Variants in STARD9 observed in about 807,000 individuals in gnomAD.
STARD9 encodes the protein StAR related lipid transfer domain containing 9.
Under a neutral mutation model 399.8 loss-of-function variants are expected in STARD9, and 346 were observed. That is an observed-to-expected ratio of 0.87 (90% CI 0.79 to 0.95). The LOEUF (loss-of-function observed/expected upper bound fraction) is 0.95, where lower values mean the gene tolerates loss of function less well. STARD9 is among the 40% of genes least tolerant of loss of function. The probability of loss-of-function intolerance (pLI) is 0.00; values close to 1 mark genes in which losing one functional copy is unlikely to be tolerated. For synonymous variants in STARD9, 2,203 were observed against 2,143.5 expected (o/e 1.03, Z -0.77); for missense variants, 5,832 against 5,667.5 (o/e 1.03, Z -0.93).
chr15:42,616,890 C>CAAAAA (rs565991513), intron 3 of STARD9, among the ~76,000 whole-genome samples: 2 of 57,192 alleles, frequency 3.5e-5, no homozygotes, highest in Non-Finnish European at 8.5e-5. Flanking sequence ...GACTTCCTCT[C>CAAAAA]AAAAAAAAAA....
Position 42,686,003 on chromosome 15 carries a change from T to G in STARD9, c.4425T>G (p.His1475Gln), listed in dbSNP as rs1464790503. The change falls in exon 23 of 33, where the codon CAT becomes CAG. Residue 1475 changes from histidine to glutamine, a missense_variant. Physicochemically the swap from His to Gln is conservative, Grantham distance 24. Transcript: ENST00000290607. ...CTGCCTCTGCCACCACCTTGACTCA[T>G]GTAGGCAGCACCCATGAAAGGGATT... ...VLAASATTLTHVGSTHERDWS... is the reference protein window; with the variant it reads ...VLAASATTLTQVGSTHERDWS... 4 of 1,537,216 alleles carry G rather than the reference T, an allele frequency of 2.6e-6. No individual in the cohort carries two copies. In the African/African-American group the frequency reaches 5.5e-5, roughly 21 times the overall value.
chr15:42,683,421 A>G (rs77245532), intron 22 of STARD9, among the ~76,000 whole-genome samples: 2,963 of 152,286 alleles, frequency 0.019, 100 homozygotes, highest in East Asian at 0.078. Context: ...TCTAGACACC[A>G]TGTCACTTTA....
intron 28 of STARD9, 133 bp from the exon 29 acceptor site, chr15:42,717,598 C>T (rs1246700220): frequency 1.9e-5 from 15 of 798,216 alleles, no homozygotes; most frequent in South Asian, 1.4e-4. Context: ...CCACTCCAGC[C>T]TGGGTGACAG....
In STARD9 at chr15:42,693,698, G is replaced by A. The variant is rs1295311981; in HGVS notation, c.12120G>A (p.Glu4040=). The change falls in exon 23 of 33, where the codon GAG becomes GAA. Residue 4040 remains glutamate, a synonymous_variant. Coordinates refer to ENST00000290607, the MANE Select transcript of STARD9 (RefSeq NM_020759.3). ...TGCCTGAGAAGGTGGCTTCCCCGGA[G>A]CATTGCCCACTGAGCGGTAGGGAGC... ...SFVPEKVASP[E]HCPLSGREPS... 1.3e-6 allele frequency: 2 copies of A among 1,537,016 alleles called. No homozygotes were observed. The highest frequency in any genetic ancestry group is 2.7e-5 in the African/African-American group (2 of 73,054).
chr15:42,666,028 G>A (rs2060095150), intron 15 of STARD9, among the ~76,000 whole-genome samples, 180 bp downstream of exon 15: 2 of 152,202 alleles, frequency 1.3e-5, no homozygotes, highest in South Asian at 2.1e-4. Context: ...ACTGTTAATG[G>A]CTTTCTGACT....
chr15:42,603,287 A>G (rs2058666504), intron 3 of STARD9, among the ~76,000 whole-genome samples: 1 of 152,014 alleles, frequency 6.6e-6, no homozygotes, highest in Non-Finnish European at 1.5e-5. Flanking sequence ...ACACCTGACT[A>G]ATTTTTGTAT....
At chr15:42,718,598 T>C in intron 31 of STARD9, 84 bp downstream of exon 31, 2 of 1,460,078 alleles carry the variant, frequency 1.4e-6, no homozygotes, top group Non-Finnish European at 1.9e-6. Flanking sequence ...CCTCAGGTCC[T>C]CTAGGGGAAG....
intron 1 of STARD9, among the ~76,000 whole-genome samples, chr15:42,582,055 C>T (rs540767362): frequency 1.3e-4 from 20 of 152,296 alleles, no homozygotes; most frequent in African/African-American, 4.6e-4. Flanking sequence ...GGAAGAAATG[C>T]TTAAGCCTAG....
chr15:42,714,779 A>G (rs1403539413), intron 26 of STARD9, among the ~76,000 whole-genome samples: 1 of 151,644 alleles, frequency 6.6e-6, no homozygotes, highest in Non-Finnish European at 1.5e-5. Flanking sequence ...TCCATCTCCC[A>G]GTATATCTTT....
intron 3 of STARD9, among the ~76,000 whole-genome samples, chr15:42,586,627 A>G (rs769627625): frequency 4.6e-5 from 7 of 152,184 alleles, no homozygotes; most frequent in Non-Finnish European, 7.3e-5. Context: ...GTCCAAACCT[A>G]AAATTGGAAA....
At position 42,720,884 on chromosome 15, in the gene STARD9, CATGAT is replaced by C. The variant is rs2061440555; in HGVS notation, c.*1313_*1317del. 1 of 152,052 alleles carries C rather than the reference CATGAT, an allele frequency of 6.6e-6. No homozygotes were observed. Among genetic ancestry groups the C allele is most frequent in the Non-Finnish European group, 1.5e-5 (1 of 68,020 alleles). The allele number at this position is 152,052 out of a possible 1,614,324, so 9.4% of individuals were successfully genotyped here. Reference sequence around the variant, plus strand: ...ATTTCTCGGGTAAATTTTTTGGTGACATGATATATTTAACACCCTATTTATATACT... The same window carrying C: ...ATTTCTCGGGTAAATTTTTTGGTGACATATTTAACACCCTATTTATATACT... On this transcript the variant is annotated 3_prime_UTR_variant, in exon 33 of 33. Transcript: ENST00000290607.
chr15:42,625,473 GAC>G (rs1332390305), intron 3 of STARD9, among the ~76,000 whole-genome samples: 4 of 151,138 alleles, frequency 2.6e-5, no homozygotes, highest in Non-Finnish European at 5.9e-5. Flanking sequence ...TGGGATTACA[GAC>G]ACACGCCACC....
At chr15:42,626,068 C>T (rs955723689) in intron 3 of STARD9, among the ~76,000 whole-genome samples, 2 of 151,854 alleles carry the variant, frequency 1.3e-5, no homozygotes, top group Admixed American at 6.6e-5. Flanking sequence ...ATTACAGGCA[C>T]CTGCCACCAC....
At position 42,682,324 on chromosome 15, in the gene STARD9, T is replaced by A. The variant is rs539303312; in HGVS notation, c.2286T>A (p.Asn762Lys). Residue 762 changes from asparagine to lysine, a missense_variant, in exon 22 of 33, where the codon AAT becomes AAA. Coordinates refer to ENST00000290607, the MANE Select transcript of STARD9 (RefSeq NM_020759.3). ...RRHTLRAAER[N>K]VRRKKVSFQL... is the part of the protein sequence containing the mutation. ...ACACTCTTCGGGCAGCAGAGCGGAATGTCCGGCGGAAAAAGGTCTCATTCC... is the reference window on the plus strand; with the variant it reads ...ACACTCTTCGGGCAGCAGAGCGGAAAGTCCGGCGGAAAAAGGTCTCATTCC... 1.4e-5 allele frequency: 21 copies of A among 1,537,234 alleles called. No homozygotes were observed. In the African/African-American group the frequency reaches 2.9e-4, roughly 21 times the overall value.
chr15:42,585,663 C>A, intron 3 of STARD9, 26 bp downstream of exon 3: 1 of 1,367,472 alleles, frequency 7.3e-7, no homozygotes, highest in Non-Finnish European at 1.0e-6. Context: ...ATTTTTCTTT[C>A]ACCTCAGTTC....
In STARD9 at chr15:42,689,583, G is replaced by A; in HGVS notation, c.8005G>A (p.Ala2669Thr). ...PWDPVQAFSH[A>T]APAQDRKRRT... is the part of the protein sequence containing the mutation. ...GGATCCTGTGCAGGCTTTCTCCCAT[G>A]CTGCTCCTGCTCAAGACAGGAAACG... The change falls in exon 23 of 33, where the codon GCT becomes ACT. Residue 2669 changes from alanine to threonine, a missense_variant. This residue lies in a region of STARD9 where 5,828 missense variants were observed against 5,651.1 expected (regional missense o/e 1.03). Transcript: ENST00000290607. The A allele has an allele frequency of 6.5e-7, 1 of 1,537,344 alleles. No homozygotes were observed. The highest frequency in any genetic ancestry group is 8.7e-7 in the Non-Finnish European group (1 of 1,146,926).
rs1171906093 is a variant in STARD9 at position 42,685,408 on chromosome 15, T to G, written c.3830T>G (p.Leu1277Arg). Residue 1277 changes from leucine (L) to arginine (R), a missense_variant, in exon 23 of 33, where the codon CTT (leucine) becomes CGT (arginine). By Grantham distance (102) the Leu-to-Arg change is moderately radical. This residue lies in a region of STARD9 where 5,828 missense variants were observed against 5,651.1 expected (regional missense o/e 1.03). Transcript: ENST00000290607. Reference sequence around the variant, plus strand: ...CTGCCAATGAGCAGTTCGTTTTACCTTGATCCTCAGTTCCAACCCCATTGT... The same window carrying G: ...CTGCCAATGAGCAGTTCGTTTTACCGTGATCCTCAGTTCCAACCCCATTGT... ...AVLPMSSSFY[L>R]DPQFQPHCEL... 7 of 1,535,296 alleles carry G rather than the reference T, an allele frequency of 4.6e-6. No individual in the cohort carries two copies. The highest frequency in any genetic ancestry group is 2.4e-5 in the East Asian group (1 of 40,902).
At chr15:42,601,480 G>A (rs2058626588) in intron 3 of STARD9, among the ~76,000 whole-genome samples, 2 of 150,860 alleles carry the variant, frequency 1.3e-5, no homozygotes, top group Non-Finnish European at 3.0e-5. Flanking sequence ...CGGGGCGGCG[G>A]CCGGGCGGGG....
In STARD9 at chr15:42,685,630, C is replaced by T. The variant is rs2060535509; in HGVS notation, c.4052C>T (p.Pro1351Leu). The part of the protein sequence containing the change: ...CDSKINPSSP[P>L]GIVGSLCPSP... Reference sequence around the variant, plus strand: ...TCTAAGATCAACCCCAGCAGCCCCCCAGGAATAGTGGGTTCTTTATGTCCA... The same window carrying T: ...TCTAAGATCAACCCCAGCAGCCCCCTAGGAATAGTGGGTTCTTTATGTCCA... Residue 1351 changes from proline to leucine, a missense_variant, in exon 23 of 33, where the codon CCA becomes CTA. Transcript: ENST00000290607. The T allele has an allele frequency of 2.0e-6, 3 of 1,537,276 alleles. No homozygotes were observed. The highest frequency in any genetic ancestry group is 2.6e-6 in the Non-Finnish European group (3 of 1,146,948).
Sources: allele counts gnomAD v4.1 joint callset (sites outside exome capture counted in the v4.1 genomes callset), GRCh38; gene constraint gnomAD v4.1.1; regional missense constraint gnomAD v4.1.1; transcripts MANE v1.5; gene names NCBI Gene and HGNC (gene_info 2026-07-23, HGNC 2026-07-21).